CLIP4: variants seen among roughly 807,000 people sequenced by gnomAD.
CLIP4 encodes CAP-Gly domain-containing linker protein 4.
In CLIP4, 47 loss-of-function variants were observed where a neutral mutation model predicts 73.1. That is an observed-to-expected ratio of 0.64 (90% CI 0.51 to 0.82). CLIP4 has a LOEUF of 0.82. CLIP4 is among the 40% of genes least tolerant of loss of function. The pLI is 0.00. For missense variants in CLIP4, 874 were observed against 852.9 expected (o/e 1.02, Z -0.31); for synonymous variants, 306 against 295.4 (o/e 1.04, Z -0.37).
At position 29,133,786 on chromosome 2, in the gene CLIP4, A is replaced by AT; in HGVS notation, c.499_500insT (p.Arg167MetfsTer18). The AT allele has an allele frequency of 6.2e-7, 1 of 1,607,984 alleles. No individual in the cohort carries two copies. The highest frequency in any genetic ancestry group is 8.5e-7 in the Non-Finnish European group (1 of 1,178,414). On this transcript the variant is annotated frameshift_variant, in exon 5 of 16. Transcript: ENST00000320081. LOFTEE classifies it high-confidence loss of function. The stretch of plus-strand genomic sequence containing the variant: ...TTATTTTGATGTCCCTGAACTTATA[A>AT]GAGTGATTTTGAAAACATCGAAACC...
chr2:29,180,937 C>G (rs1251235712), intron 15 of CLIP4, among the ~76,000 whole-genome samples: 2 of 151,758 alleles, frequency 1.3e-5, no homozygotes, highest in Non-Finnish European at 2.9e-5. Context: ...GCGCAAAAGA[C>G]AAAAACTTTT....
rs772439414 is a variant in CLIP4 at position 29,181,670 on chromosome 2, C to T, written c.1895C>T (p.Thr632Met). ...KLHEGSQVLLTSSNEMGTVRY... is the reference protein window; with the variant it reads ...KLHEGSQVLLMSSNEMGTVRY... ...CACGAGGGGTCTCAGGTCCTGCTCA[C>T]GAGCTCCAATGAGATGGGTACTGTT... Residue 632 changes from threonine (T) to methionine (M), a missense_variant, in exon 16 of 16, where the codon ACG (threonine) becomes ATG (methionine). Transcript: ENST00000320081. 8 of 1,614,052 alleles carry T rather than the reference C, an allele frequency of 5.0e-6. No homozygotes were observed. In the African/African-American group the frequency reaches 6.7e-5, roughly 13 times the overall value.
At chr2:29,168,546 C>T (rs1343692045) in intron 14 of CLIP4, among the ~76,000 whole-genome samples, 2 of 92,436 alleles carry the variant, frequency 2.2e-5, no homozygotes, top group African/African-American at 8.5e-5. Context: ...TTTTTTGAGA[C>T]GAGTCTCTCT....
chr2:29,138,836 G>A (rs939526929), intron 6 of CLIP4, among the ~76,000 whole-genome samples: 3 of 152,016 alleles, frequency 2.0e-5, no homozygotes, highest in African/African-American at 7.2e-5. Context: ...ACTGATTTTC[G>A]TATATTGATT....
intron 13 of CLIP4, among the ~76,000 whole-genome samples, chr2:29,167,123 T>G (rs889308706): frequency 1.3e-4 from 20 of 152,214 alleles, no homozygotes; most frequent in African/African-American, 4.1e-4. Context: ...AATTAGTGCC[T>G]TTTTCACAAT....
intron 2 of CLIP4, among the ~76,000 whole-genome samples, chr2:29,127,233 A>G (rs1281402800): frequency 6.6e-6 from 1 of 152,074 alleles, no homozygotes; most frequent in Non-Finnish European, 1.5e-5. Flanking sequence ...CTGTCTGGTA[A>G]TAAGGAATCT....
At chr2:29,111,301 C>G (rs1668381105), upstream of CLIP4, among the ~76,000 whole-genome samples, 1 of 152,222 alleles carries the variant, frequency 6.6e-6, no homozygotes, top group Non-Finnish European at 1.5e-5. Context: ...GAAAACAGTT[C>G]ATGAGAGCTG....
intron 4 of CLIP4, 73 bp downstream of exon 4, chr2:29,132,318 A>G (rs1022490454): frequency 2.2e-5 from 28 of 1,263,658 alleles, no homozygotes; most frequent in Non-Finnish European, 3.1e-5. Context: ...ATTTATGCCC[A>G]TATATTGTCT....
At chr2:29,102,300 A>G (rs769723897) in intron 1 of CLIP4, among the ~76,000 whole-genome samples, 12 of 152,198 alleles carry the variant, frequency 7.9e-5, no homozygotes, top group East Asian at 3.8e-4. Context: ...CAGGTCATCA[A>G]TGAGACTGCA....
rs755943963 is a variant in CLIP4 at position 29,167,539 on chromosome 2, T to C, written c.1722T>C (p.Pro574=). The change falls in exon 14 of 16, where the codon CCT becomes CCC. Residue 574 remains proline, a splice_region_variant and synonymous_variant. Coordinates refer to ENST00000320081, the MANE Select transcript of CLIP4 (RefSeq NM_024692.6). ...CAAATAAACAGAACCATTCTTATCC[T>C]GGTAAGACTACACAGTTTTGTGTTC... ...ISSNKQNHSY[P]GFRRSFSTTS... The C allele has an allele frequency of 3.8e-6, 6 of 1,597,580 alleles. No homozygotes were observed. The Admixed American group carries it at 5.2e-5, about 14-fold the overall frequency.
chr2:29,117,042 G>A (rs967199483), intron 1 of CLIP4, among the ~76,000 whole-genome samples: 4 of 152,168 alleles, frequency 2.6e-5, no homozygotes, highest in African/African-American at 9.7e-5. Context: ...CTGCTCCCTT[G>A]TTAATTATTT....
At chr2:29,163,803 C>G (rs761787357) in intron 12 of CLIP4, 28 bp from the exon 13 acceptor site, 16 of 1,599,968 alleles carry the variant, frequency 1.0e-5, no homozygotes, top group Non-Finnish European at 1.4e-5. Context: ...AGTACAGATG[C>G]TTTTGAAATG....
rs762163285 is a variant in CLIP4, at chr2:29,143,742, C to G, written c.682C>G (p.Pro228Ala). The change falls in exon 7 of 16, where the codon CCA (proline) becomes GCA (alanine). Residue 228 changes from proline (P) to alanine (A), a missense_variant. Pro to Ala is a conservative substitution (Grantham distance 27). Transcript: ENST00000320081. ...AGGACAGATCCCTGCTGATGTTGTT[C>G]CAGACCCAGTAGATATGCCGTTAGA... The part of the protein sequence containing the change: ...DKGQIPADVV[P>A]DPVDMPLEMA... 1.2e-6 allele frequency: 2 copies of G among 1,613,636 alleles called. No homozygotes were observed. Among genetic ancestry groups the G allele is most frequent in the South Asian group, 1.1e-5 (1 of 91,064 alleles).
At chr2:29,138,313 G>T (rs1012562609) in intron 6 of CLIP4, among the ~76,000 whole-genome samples, 22 of 151,882 alleles carry the variant, frequency 1.4e-4, no homozygotes, top group African/African-American at 4.8e-4. Flanking sequence ...TCAGTTGGTT[G>T]TGTGTGGCTT....
chr2:29,174,688 C>G (rs1358539668), intron 15 of CLIP4: 2 of 1,148,892 alleles, frequency 1.7e-6, no homozygotes, highest in South Asian at 3.7e-5. Flanking sequence ...GAGGTCAGAA[C>G]TGTTAATAAA....
intron 13 of CLIP4, 59 bp downstream of exon 13, chr2:29,164,013 T>G: frequency 7.2e-7 from 1 of 1,379,998 alleles, no homozygotes; most frequent in East Asian, 2.3e-5. Context: ...CAGTGGTTAA[T>G]AGAGACACTA....
intron 14 of CLIP4, among the ~76,000 whole-genome samples, chr2:29,171,979 G>A (rs932485838): frequency 7.3e-6 from 1 of 137,928 alleles, no homozygotes; most frequent in African/African-American, 2.6e-5. Flanking sequence ...TTTATTTCTT[G>A]ACTTTATTCT....
chr2:29,111,321 A>G (rs899675433), upstream of CLIP4, among the ~76,000 whole-genome samples: 16 of 152,232 alleles, frequency 1.1e-4, no homozygotes, highest in Admixed American at 3.3e-4. Flanking sequence ...GATAAAGCAC[A>G]TTTCTTCCCA....
At chr2:29,122,582 G>C (rs1412636996) in intron 2 of CLIP4, among the ~76,000 whole-genome samples, 2 of 151,954 alleles carry the variant, frequency 1.3e-5, no homozygotes, top group African/African-American at 2.4e-5. Context: ...AATGATTGTT[G>C]AATAAATACA....
Sources: gnomAD v4.1 joint callset for allele counts (sites outside exome capture counted in the v4.1 genomes callset) on GRCh38, gnomAD v4.1.1 for gene constraint, MANE v1.5 for transcripts, NCBI Gene and HGNC (gene_info 2026-07-23, HGNC 2026-07-21) for gene names.